Variants in FARS2 observed in about 807,000 individuals in gnomAD.
The protein encoded by FARS2 is phenylalanyl-tRNA synthetase 2, mitochondrial, also known as phenylalanine--tRNA ligase, mitochondrial.
FARS2 carries 40 observed loss-of-function variants against 46.4 expected under a neutral mutation model. The observed-to-expected ratio is 0.86, with a 90% CI of 0.67 to 1.12. FARS2 has a LOEUF of 1.12. Ranked by LOEUF, FARS2 falls within the 50% of genes most tolerant of loss-of-function variation. FARS2 has a pLI of 0.00. For missense variants in FARS2, 513 were observed against 567.9 expected, an observed-to-expected ratio of 0.90 and a Z score of 0.98; for synonymous variants, 234 against 214.9, an observed-to-expected ratio of 1.09 and a Z score of -0.78.
At chr6:5,387,852 C>T (rs1383030176) in intron 2 of FARS2, among the ~76,000 whole-genome samples, 1 of 152,190 alleles carries the variant, frequency 6.6e-6, no homozygotes, top group Non-Finnish European at 1.5e-5. Context: ...GCATGCTGAA[C>T]TCATTCAGAG....
intron 2 of FARS2, among the ~76,000 whole-genome samples, chr6:5,379,019 C>G (rs1417962060): frequency 1.3e-5 from 2 of 152,202 alleles, no homozygotes; most frequent in African/African-American, 2.4e-5. Flanking sequence ...CTATTAGGCT[C>G]TTAGTCTGAG....
chr6:5,700,499 C>T (rs1361110733), intron 6 of FARS2, among the ~76,000 whole-genome samples: 1 of 152,048 alleles, frequency 6.6e-6, no homozygotes, highest in Non-Finnish European at 1.5e-5. Context: ...CTCCACCTCC[C>T]GGGTTCTCCT....
chr6:5,414,940 G>C (rs1762141467), intron 3 of FARS2, among the ~76,000 whole-genome samples: 2 of 149,224 alleles, frequency 1.3e-5, no homozygotes, highest in African/African-American at 4.9e-5. Flanking sequence ...TCAGCCCCGC[G>C]AGTAGCTGAG....
intron 5 of FARS2, among the ~76,000 whole-genome samples, chr6:5,611,186 G>T (rs944701198): frequency 5.9e-5 from 9 of 152,206 alleles, no homozygotes; most frequent in African/African-American, 1.9e-4. Context: ...GAAGGATAGG[G>T]TGCAGTAATG....
At chr6:5,673,829 C>G (rs1778609338) in intron 6 of FARS2, among the ~76,000 whole-genome samples, 1 of 152,086 alleles carries the variant, frequency 6.6e-6, no homozygotes. Flanking sequence ...ATGAGATGGA[C>G]TTAACATATG....
intron 6 of FARS2, among the ~76,000 whole-genome samples, chr6:5,650,349 A>G (rs1201509315): frequency 6.6e-6 from 1 of 150,958 alleles, no homozygotes; most frequent in African/African-American, 2.4e-5. Context: ...AGAGAGATAT[A>G]TGCACAGAAC....
At chr6:5,327,063 C>T (rs1770443158) in intron 1 of FARS2, among the ~76,000 whole-genome samples, 1 of 152,088 alleles carries the variant, frequency 6.6e-6, no homozygotes, top group Non-Finnish European at 1.5e-5. Flanking sequence ...AATAGCTGCT[C>T]CTTAGGCGTG....
chr6:5,706,394 C>T (rs1758769348), intron 6 of FARS2, among the ~76,000 whole-genome samples: 1 of 152,090 alleles, frequency 6.6e-6, no homozygotes, highest in African/African-American at 2.4e-5. Flanking sequence ...GATTCTCCCA[C>T]ATAGTATGCT....
intron 6 of FARS2, among the ~76,000 whole-genome samples, chr6:5,677,998 CTGAG>C (rs1389205014): frequency 1.3e-5 from 2 of 152,066 alleles, no homozygotes; most frequent in Non-Finnish European, 2.9e-5. Flanking sequence ...ATGTGGAAAA[CTGAG>C]AGAGAAAACT....
chr6:5,448,508 T>G (rs1004439601), intron 4 of FARS2, among the ~76,000 whole-genome samples: 3 of 151,860 alleles, frequency 2.0e-5, no homozygotes, highest in African/African-American at 7.3e-5. Flanking sequence ...TTTAGAGATG[T>G]TTGCACGTTA....
At chr6:5,526,489 TC>T (rs201299930) in intron 4 of FARS2, among the ~76,000 whole-genome samples, 2 of 152,240 alleles carry the variant, frequency 1.3e-5, no homozygotes, top group East Asian at 3.8e-4. Flanking sequence ...TAAGTTCCTT[TC>T]CTGGTTAAAA....
chr6:5,256,156 AGG>A (rs1764655375), upstream of FARS2, among the ~76,000 whole-genome samples: 3 of 152,208 alleles, frequency 2.0e-5, no homozygotes, highest in Admixed American at 2.0e-4. Flanking sequence ...TCAGAATTGA[AGG>A]AGTTGGCTGA....
intron 2 of FARS2, among the ~76,000 whole-genome samples, chr6:5,377,154 C>A (rs1271354700): frequency 6.6e-6 from 1 of 152,322 alleles, no homozygotes; most frequent in Middle Eastern, 3.4e-3. Flanking sequence ...GAAACTCTTA[C>A]AAATCCTGTG....
intron 6 of FARS2, among the ~76,000 whole-genome samples, chr6:5,731,985 T>C (rs1259153445): frequency 1.3e-5 from 2 of 152,190 alleles, no homozygotes; most frequent in Non-Finnish European, 2.9e-5. Context: ...CCACACTCTC[T>C]GCCTCCCTAT....
chr6:5,408,631 T>G (rs755408621), intron 3 of FARS2, among the ~76,000 whole-genome samples: 1 of 151,768 alleles, frequency 6.6e-6, no homozygotes, highest in Non-Finnish European at 1.5e-5. Context: ...CACTCAAGAA[T>G]AAAACAAGAT....
chr6:5,708,169 T>C (rs1045107180), intron 6 of FARS2, among the ~76,000 whole-genome samples: 4 of 152,134 alleles, frequency 2.6e-5, no homozygotes, highest in African/African-American at 9.7e-5. Context: ...TGTACAACAT[T>C]GCCCTGGAGG....
chr6:5,628,831 C>T (rs1029313965), intron 6 of FARS2, among the ~76,000 whole-genome samples: 1 of 152,178 alleles, frequency 6.6e-6, no homozygotes, highest in Non-Finnish European at 1.5e-5. Context: ...TGGTAACTCT[C>T]CTGTTGTTTA....
At chr6:5,322,466 T>A (rs1770049482) in intron 1 of FARS2, among the ~76,000 whole-genome samples, 1 of 152,226 alleles carries the variant, frequency 6.6e-6, no homozygotes, top group Non-Finnish European at 1.5e-5. Flanking sequence ...GTAGTTTTTT[T>A]TTAACCAGAA....
At position 5,545,265 on chromosome 6, in the gene FARS2, T is replaced by C. The variant is rs1770897237; in HGVS notation, c.990T>C (p.Arg330=). 1.2e-6 allele frequency: 2 copies of C among 1,614,072 alleles called. No homozygotes were observed. Among genetic ancestry groups the C allele is most frequent in the Non-Finnish European group, 1.7e-6 (2 of 1,179,954 alleles). Residue 330 remains arginine, a synonymous_variant, in exon 5 of 7, where the codon CGT becomes CGC. Transcript: ENST00000274680. The part of the protein sequence containing the change: ...AMILYDIPDI[R]LFWCEDERFL... ...TCCTCTACGACATCCCTGATATCCG[T>C]CTCTTCTGGTGTGAGGACGAGCGCT...
Sources: gnomAD v4.1 joint callset for allele counts (sites outside exome capture counted in the v4.1 genomes callset) on GRCh38, gnomAD v4.1.1 for gene constraint, MANE v1.5 for transcripts, NCBI Gene and HGNC (gene_info 2026-07-23, HGNC 2026-07-21) for gene names.